The following UBE2D2 variants were observed in gnomAD, a reference collection of about 807,000 sequenced individuals.
The protein encoded by UBE2D2 is ubiquitin conjugating enzyme E2 D2.
A neutral mutation model predicts 24.2 loss-of-function variants in UBE2D2; 2 were observed. That is an observed-to-expected ratio of 0.08 (90% CI 0.03 to 0.26). The LOEUF (loss-of-function observed/expected upper bound fraction) is 0.26. Among genes scored for constraint, UBE2D2 ranks in the 10% least tolerant of loss-of-function variants. UBE2D2 has a pLI of 1.00. For synonymous variants in UBE2D2, 58 were observed against 56.5 expected, an observed-to-expected ratio of 1.03 and a Z score of -0.12; for missense variants, 44 against 177.6, an observed-to-expected ratio of 0.25 and a Z score of 4.28.
At chr5:139,544,607 CCA>C (rs111460156) in intron 1 of UBE2D2, among the ~76,000 whole-genome samples, 2,692 of 145,058 alleles carry the variant, frequency 0.019, 50 homozygotes, top group Middle Eastern at 0.058. Context: ...TGCATTCTAA[CCA>C]CACACACACA....
At chr5:139,543,175 G>A (rs1028140382) in intron 1 of UBE2D2, among the ~76,000 whole-genome samples, 1 of 152,180 alleles carries the variant, frequency 6.6e-6, no homozygotes, top group Admixed American at 6.5e-5. Flanking sequence ...GATTACAGGC[G>A]TGAGCCACCG....
intron 1 of UBE2D2, among the ~76,000 whole-genome samples, chr5:139,581,835 GT>G (rs1385550584): frequency 1.2e-4 from 18 of 151,832 alleles, no homozygotes; most frequent in Non-Finnish European, 7.4e-5. Context: ...TGCCTGGGTA[GT>G]TTTTGTATTT....
intron 1 of UBE2D2, among the ~76,000 whole-genome samples, chr5:139,590,536 A>G (rs1418867099): frequency 1.3e-5 from 2 of 152,092 alleles, no homozygotes; most frequent in Non-Finnish European, 2.9e-5. Context: ...AAAGCAAAGT[A>G]CAGAAGAGTA....
At position 139,536,243 on chromosome 5, in the gene UBE2D2, G is replaced by C. The variant is rs377615845; in HGVS notation, c.-64+9631G>C. Among the ~76,000 whole-genome samples the C allele has an allele frequency of 7.1e-4, 108 of 152,046 alleles. 4 individuals are homozygous for C. In the East Asian group the frequency reaches 0.019, roughly 27 times the overall value. On this transcript the variant is annotated intron_variant, in intron 1 of 6. Transcript: ENST00000511725. ...GCCTCCGGAGTAGCTGGGATTACAG[G>C]CATGTGCCACCATGCCCAGCTAATT... is the stretch of plus-strand genomic sequence containing the variant.
At chr5:139,591,074 G>C (rs1349136033) in intron 1 of UBE2D2, among the ~76,000 whole-genome samples, 1 of 149,892 alleles carries the variant, frequency 6.7e-6, no homozygotes. Flanking sequence ...TGGGATTACA[G>C]GTGTGAGCCA....
chr5:139,546,823 TTCCTTCCTTCCTTCCTTC>T (rs1752835752), intron 1 of UBE2D2, among the ~76,000 whole-genome samples: 3 of 14,138 alleles, frequency 2.1e-4, no homozygotes, highest in African/African-American at 1.3e-3. Context: ...TCTTTCTTCC[TTCCTTCCTTCCTTCCTTC>T]CTTCCTTCCT....
chr5:139,561,404 A>C lies in UBE2D2; in HGVS notation c.-388A>C. On this transcript the variant is annotated 5_prime_UTR_variant, in exon 1 of 7. Transcript: ENST00000398733. ...CTCGGTCCACCTGCAGCAGGGAGGA[A>C]GACAGGCAATCCCTCCGGCTGTCCG... 1.1e-5 allele frequency: 2 copies of C among 186,002 alleles called. No homozygotes were observed. The highest frequency in any genetic ancestry group is 1.1e-5 in the Non-Finnish European group (1 of 89,840). The allele number at this position is 186,002 out of a possible 1,614,324, so 11.5% of individuals were successfully genotyped here.
At chr5:139,546,906 T>G (rs1052546105) in intron 1 of UBE2D2, among the ~76,000 whole-genome samples, 1 of 151,844 alleles carries the variant, frequency 6.6e-6, no homozygotes, top group South Asian at 2.1e-4. Flanking sequence ...TTTCTTTCTT[T>G]TTTTTTGACA....
intron 5 of UBE2D2, among the ~76,000 whole-genome samples, chr5:139,619,883 T>C (rs756073168): frequency 6.6e-6 from 1 of 150,680 alleles, no homozygotes; most frequent in East Asian, 1.9e-4. Context: ...GGAGGTTTAA[T>C]TGGCTCACAG....
intron 1 of UBE2D2, among the ~76,000 whole-genome samples, chr5:139,529,766 T>C (rs924332988): frequency 2.6e-5 from 4 of 152,228 alleles, no homozygotes; most frequent in African/African-American, 7.2e-5. Flanking sequence ...ACCAGTATTT[T>C]CTACCAGTAT....
At chr5:139,622,290 G>C (rs371159299) in intron 5 of UBE2D2, among the ~76,000 whole-genome samples, 1 of 151,482 alleles carries the variant, frequency 6.6e-6, no homozygotes, top group African/African-American at 2.4e-5. Flanking sequence ...TGTCGCCCAG[G>C]CTGGAGTGCA....
At chr5:139,602,540 TG>T (rs1754102642) in intron 2 of UBE2D2, among the ~76,000 whole-genome samples, 1 of 151,974 alleles carries the variant, frequency 6.6e-6, no homozygotes, top group Non-Finnish European at 1.5e-5. Context: ...TAGCCTGGCC[TG>T]GTGGTGCATG....
chr5:139,609,298 T>A (rs1191998146), intron 2 of UBE2D2, among the ~76,000 whole-genome samples: 2 of 152,172 alleles, frequency 1.3e-5, no homozygotes, highest in African/African-American at 4.8e-5. Context: ...ATCCCAGCAC[T>A]TTGGGAGGCT....
At chr5:139,602,033 AT>A (rs1245088592) in intron 2 of UBE2D2, among the ~76,000 whole-genome samples, 2 of 151,950 alleles carry the variant, frequency 1.3e-5, no homozygotes, top group Admixed American at 6.6e-5. Flanking sequence ...AAATTAGCTT[AT>A]GTTTAATATT....
chr5:139,551,558 GT>G (rs1752921244), intron 1 of UBE2D2, among the ~76,000 whole-genome samples: 1 of 152,118 alleles, frequency 6.6e-6, no homozygotes, highest in Non-Finnish European at 1.5e-5. Context: ...AATATAAAGT[GT>G]TTTTTCATGA....
intron 1 of UBE2D2, among the ~76,000 whole-genome samples, chr5:139,547,520 T>G (rs1416435151): frequency 6.6e-6 from 1 of 151,554 alleles, no homozygotes; most frequent in Non-Finnish European, 1.5e-5. Context: ...GGCTTTTTTT[T>G]TTGTTCTTGA....
At chr5:139,603,099 A>G (rs891123586) in intron 2 of UBE2D2, among the ~76,000 whole-genome samples, 5 of 152,122 alleles carry the variant, frequency 3.3e-5, no homozygotes, top group Admixed American at 6.6e-5. Flanking sequence ...TTGTCCTTCC[A>G]CTGTATCATA....
chr5:139,626,581 G>C (rs190836388), intron 6 of UBE2D2, among the ~76,000 whole-genome samples, 175 bp from the exon 7 acceptor site: 2 of 152,300 alleles, frequency 1.3e-5, no homozygotes, highest in Admixed American at 1.3e-4. Context: ...ACATTTTACA[G>C]CTCCTTCCCA....
upstream of UBE2D2, among the ~76,000 whole-genome samples, chr5:139,559,506 G>C (rs1033204389): frequency 6.6e-6 from 1 of 151,928 alleles, no homozygotes; most frequent in Non-Finnish European, 1.5e-5. Context: ...AATATCTGGG[G>C]CTGTGAGATG....
Sources: allele counts gnomAD v4.1 joint callset (sites outside exome capture counted in the v4.1 genomes callset), GRCh38; gene constraint gnomAD v4.1.1; transcripts MANE v1.5; gene names NCBI Gene and HGNC (gene_info 2026-07-23, HGNC 2026-07-21).